Variants in SMIM10L3 observed in about 807,000 individuals in gnomAD.
SMIM10L3 encodes the protein small integral membrane protein 10 like 3.
the SMIM10L3 span, among the ~76,000 whole-genome samples, chr7:6,340,859 A>G: frequency 3.5e-5 from 5 of 141,756 alleles, no homozygotes; most frequent in African/African-American, 1.3e-4. Flanking sequence ...AGATGGCGCC[A>G]CTGCACTCCA....
the SMIM10L3 span, among the ~76,000 whole-genome samples, chr7:6,333,837 C>A: frequency 2.1e-5 from 3 of 144,880 alleles, no homozygotes; most frequent in African/African-American, 7.6e-5. Flanking sequence ...GAACTCCTGG[C>A]CTCTTTTTTT....
At chr7:6,348,416 T>G in the SMIM10L3 span, among the ~76,000 whole-genome samples, 3 of 152,060 alleles carry the variant, frequency 2.0e-5, no homozygotes, top group African/African-American at 7.2e-5. Context: ...AAGGACCACC[T>G]CAGTGGATCT....
chr7:6,345,478 A>G, the SMIM10L3 span, among the ~76,000 whole-genome samples: 5 of 152,252 alleles, frequency 3.3e-5, no homozygotes, highest in Admixed American at 6.6e-5. Context: ...AGATACTACA[A>G]TAGTCCAGGC....
the SMIM10L3 span, among the ~76,000 whole-genome samples, chr7:6,333,168 C>CAAAAAAAAAAAAAA: frequency 1.6e-5 from 2 of 127,998 alleles, no homozygotes; most frequent in Non-Finnish European, 1.8e-5. Flanking sequence ...ATAAAAAAAT[C>CAAAAAAAAAAAAAA]AAAAAAAAAA....
At chr7:6,339,040 C>T in the SMIM10L3 span, among the ~76,000 whole-genome samples, 1 of 152,128 alleles carries the variant, frequency 6.6e-6, no homozygotes, top group East Asian at 1.9e-4. Context: ...CAGAAACAAA[C>T]CCCCGGATTT....
chr7:6,337,929 A>G, the SMIM10L3 span, among the ~76,000 whole-genome samples: 1 of 151,404 alleles, frequency 6.6e-6, no homozygotes, highest in Non-Finnish European at 1.5e-5. Flanking sequence ...TCACCCTCCC[A>G]AGTAGCTGGT....
the SMIM10L3 span, among the ~76,000 whole-genome samples, chr7:6,336,049 T>G: frequency 6.6e-6 from 1 of 151,854 alleles, no homozygotes; most frequent in African/African-American, 2.4e-5. Flanking sequence ...GGTGCACACC[T>G]GTGGTCTCAG....
the SMIM10L3 span, among the ~76,000 whole-genome samples, chr7:6,333,897 A>G: frequency 8.3e-6 from 1 of 120,184 alleles, no homozygotes; most frequent in Non-Finnish European, 1.6e-5. Flanking sequence ...CCCAGGCTGG[A>G]GTGCAGTGGC....
chr7:6,347,983 T>C, the SMIM10L3 span, among the ~76,000 whole-genome samples: 1 of 151,150 alleles, frequency 6.6e-6, no homozygotes, highest in East Asian at 1.9e-4. Context: ...CGATCTCGGC[T>C]CACCGCAACC....
At chr7:6,330,770 C>T in the SMIM10L3 span, 14 of 1,614,048 alleles carry the variant, frequency 8.7e-6, no homozygotes, top group Non-Finnish European at 1.1e-5. Flanking sequence ...CCCAGCCAGT[C>T]TCGCCGCCCC....
chr7:6,334,455 G>C, the SMIM10L3 span, among the ~76,000 whole-genome samples: 1 of 151,918 alleles, frequency 6.6e-6, no homozygotes. Flanking sequence ...AGAACAGCTT[G>C]AGTCCCAGAG....
chr7:6,338,175 A>G, the SMIM10L3 span, among the ~76,000 whole-genome samples: 2 of 152,132 alleles, frequency 1.3e-5, no homozygotes, highest in African/African-American at 2.4e-5. Context: ...CTGGTATTAG[A>G]CTGTTATACA....
the SMIM10L3 span, among the ~76,000 whole-genome samples, chr7:6,334,624 G>A: frequency 2.0e-3 from 303 of 151,942 alleles, no homozygotes; most frequent in African/African-American, 6.8e-3. Flanking sequence ...ACACCGCCAC[G>A]CCCGGCTAAT....
the SMIM10L3 span, among the ~76,000 whole-genome samples, chr7:6,344,986 C>T: frequency 3.4e-4 from 52 of 152,182 alleles, no homozygotes; most frequent in African/African-American, 1.2e-3. Flanking sequence ...GGTGATCTGC[C>T]TGCCTCAGCC....
the SMIM10L3 span, among the ~76,000 whole-genome samples, chr7:6,345,315 G>C: frequency 6.6e-6 from 1 of 151,312 alleles, no homozygotes; most frequent in South Asian, 2.1e-4. Flanking sequence ...GGGTCTTGCT[G>C]TGTTGCCCAG....
the SMIM10L3 span, among the ~76,000 whole-genome samples, chr7:6,336,669 G>C: frequency 6.8e-6 from 1 of 146,004 alleles, no homozygotes; most frequent in African/African-American, 2.6e-5. Context: ...GAGAGAGCGA[G>C]CAAGACTTTG....
the SMIM10L3 span, among the ~76,000 whole-genome samples, chr7:6,339,765 C>A: frequency 1.3e-5 from 2 of 152,010 alleles, no homozygotes; most frequent in Non-Finnish European, 2.9e-5. Context: ...GCCACTGTGC[C>A]CAGCCGTACC....
chr7:6,338,509 T>C, the SMIM10L3 span: 1 of 152,072 alleles, frequency 6.6e-6, no homozygotes, highest in East Asian at 1.9e-4. Flanking sequence ...AGAGGGTAAA[T>C]CTTGCAGCCT....
the SMIM10L3 span, among the ~76,000 whole-genome samples, chr7:6,339,603 C>A: frequency 6.6e-6 from 1 of 151,884 alleles, no homozygotes; most frequent in Non-Finnish European, 1.5e-5. Flanking sequence ...GCTGCCTCAG[C>A]CTCCGGAGTA....
Sources: allele counts gnomAD v4.1 joint callset (sites outside exome capture counted in the v4.1 genomes callset), GRCh38; gene constraint gnomAD v4.1.1; transcripts MANE v1.5; gene names NCBI Gene and HGNC (gene_info 2026-07-23, HGNC 2026-07-21).